Variants in ZFHX3 observed in about 807,000 individuals in gnomAD.
The protein encoded by ZFHX3 is zinc finger homeobox protein 3.
ZFHX3 carries 42 observed loss-of-function variants against 279.1 expected under a neutral mutation model. The ratio of observed to expected loss-of-function variants is 0.15; its 90% CI spans 0.12 to 0.19. The LOEUF is 0.19. ZFHX3 is among the 10% of genes least tolerant of loss of function. ZFHX3 has a pLI of 1.00. For missense variants in ZFHX3, 4,981 were observed against 4,754.0 expected (o/e 1.05, Z -1.40); for synonymous variants, 2,293 against 1,957.8 (o/e 1.17, Z -4.52).
intron 5 of ZFHX3, among the ~76,000 whole-genome samples, chr16:73,172,488 A>T (rs1967552566): frequency 6.6e-6 from 1 of 152,050 alleles, no homozygotes; most frequent in South Asian, 2.1e-4. Flanking sequence ...TTGAATTTCC[A>T]CTGCTTTTGT....
intron 2 of ZFHX3, among the ~76,000 whole-genome samples, chr16:73,479,052 A>AAAAAC (rs773167886): frequency 6.6e-5 from 10 of 152,278 alleles, no homozygotes; most frequent in Non-Finnish European, 1.2e-4. Flanking sequence ...ACTCCATCTC[A>AAAAAC]AAAACAAAAC....
chr16:73,519,926 AGTGTAATTGGAGTGAAGAAAACTT>A (rs1286684999), intron 2 of ZFHX3, among the ~76,000 whole-genome samples: 1 of 152,222 alleles, frequency 6.6e-6, no homozygotes, highest in African/African-American at 2.4e-5. Flanking sequence ...GTTTACTAGC[AGTGTAATTGGAGTGAAGAAAACTT>A]ATGCCTGTTT....
At chr16:72,983,090 C>G in intron 1 of ZFHX3, among the ~76,000 whole-genome samples, 1 of 152,128 alleles carries the variant, frequency 6.6e-6, no homozygotes, top group East Asian at 1.9e-4. Flanking sequence ...GTCGCTTATT[C>G]TATGGGTGTG....
At chr16:72,871,764 A>G (rs1340861796) in intron 4 of ZFHX3, among the ~76,000 whole-genome samples, 4 of 150,970 alleles carry the variant, frequency 2.6e-5, no homozygotes, top group African/African-American at 9.7e-5. Context: ...GGTGTGAACC[A>G]CCAAGCCTGG....
At chr16:73,233,102 C>A (rs1301883359) in intron 5 of ZFHX3, 8 of 88,218 alleles carry the variant, frequency 9.1e-5, no homozygotes, top group South Asian at 4.0e-4. Flanking sequence ...CATCTTGGAC[C>A]AGAGCCAAAA....
At chr16:73,609,014 C>G (rs1246704659) in intron 2 of ZFHX3, 1 of 152,126 alleles carries the variant, frequency 6.6e-6, no homozygotes, top group Non-Finnish European at 1.5e-5. Context: ...TAGTGACTGA[C>G]TTTAAATTAC....
chr16:73,830,219 C>T (rs1322391627), intron 1 of ZFHX3, among the ~76,000 whole-genome samples: 2 of 138,222 alleles, frequency 1.4e-5, no homozygotes, highest in Non-Finnish European at 3.1e-5. Context: ...ACTCCCTGAC[C>T]CCTTGCGCTT....
intron 8 of ZFHX3, chr16:73,081,417 G>A (rs531477394): frequency 1.3e-5 from 2 of 152,014 alleles, no homozygotes; most frequent in African/African-American, 4.8e-5. Flanking sequence ...GCGCCACCAT[G>A]CCCGGCTAAT....
At chr16:72,852,782 C>A (rs115200979) in intron 4 of ZFHX3, among the ~76,000 whole-genome samples, 1 of 152,146 alleles carries the variant, frequency 6.6e-6, no homozygotes, top group Non-Finnish European at 1.5e-5. Context: ...CCAGACAGAA[C>A]GCTCCCCATG....
At chr16:73,393,346 T>C (rs977018725) in intron 3 of ZFHX3, among the ~76,000 whole-genome samples, 4 of 152,198 alleles carry the variant, frequency 2.6e-5, no homozygotes, top group African/African-American at 9.6e-5. Flanking sequence ...ACTGGGCCCA[T>C]GACATCCCCC....
chr16:73,211,124 C>T (rs2012000533), intron 5 of ZFHX3, among the ~76,000 whole-genome samples: 1 of 152,168 alleles, frequency 6.6e-6, no homozygotes, highest in African/African-American at 2.4e-5. Context: ...TCTGATCTTT[C>T]TCACTTTGCC....
chr16:73,337,698 C>T (rs1182059627), intron 3 of ZFHX3, among the ~76,000 whole-genome samples: 7 of 151,868 alleles, frequency 4.6e-5, no homozygotes, highest in Non-Finnish European at 1.0e-4. Context: ...TTGACTTGCT[C>T]ACTTCTCATG....
chr16:72,794,037 G>T lies in ZFHX3; in HGVS notation c.8645C>A (p.Ala2882Glu). Residue 2882 changes from alanine (A) to glutamate (E), a missense_variant, in exon 9 of 10, where the codon GCA becomes GAA. Physicochemically the swap from Ala to Glu is moderately radical, Grantham distance 107. Transcript: ENST00000268489. This position sits in a 1 kb window ranked among gnomAD's most constrained non-coding sequence, Gnocchi z 4.2. Reference protein sequence around the residue: ...NEGLTKAAMMAMSEYEDRLSS... With the variant: ...NEGLTKAAMMEMSEYEDRLSS... ...CAACCGATCTTCATACTCAGACATTGCCATCATGGCCGCTTTGGTCAACCC... is the reference window on the plus strand; with the variant it reads ...CAACCGATCTTCATACTCAGACATTTCCATCATGGCCGCTTTGGTCAACCC... 1 of 1,614,232 alleles carries T rather than the reference G, an allele frequency of 6.2e-7. No individual in the cohort carries two copies. The highest frequency in any genetic ancestry group is 8.5e-7 in the Non-Finnish European group (1 of 1,180,042).
chr16:73,297,958 G>A (rs1300621905), intron 4 of ZFHX3, among the ~76,000 whole-genome samples: 3 of 151,804 alleles, frequency 2.0e-5, no homozygotes, highest in African/African-American at 7.3e-5. Context: ...GCTGAGGGGG[G>A]AAGGTCACTT....
intron 7 of ZFHX3, among the ~76,000 whole-genome samples, chr16:73,106,115 C>CT (rs1051274660): frequency 7.9e-5 from 12 of 152,072 alleles, no homozygotes; most frequent in Admixed American, 1.3e-4. Flanking sequence ...GTTCCCTGAG[C>CT]TTTGGCTACT....
intron 7 of ZFHX3, among the ~76,000 whole-genome samples, chr16:72,801,306 A>ATCT (rs760397324): frequency 6.6e-6 from 1 of 152,194 alleles, no homozygotes; most frequent in Non-Finnish European, 1.5e-5. Flanking sequence ...CTGCACAGAC[A>ATCT]TCTTCACTGT....
At chr16:73,160,151 C>T (rs1005550589) in intron 5 of ZFHX3, among the ~76,000 whole-genome samples, 6 of 152,186 alleles carry the variant, frequency 3.9e-5, no homozygotes, top group Admixed American at 1.3e-4. Context: ...GCAGTGCTCC[C>T]TTTCTGGGTA....
chr16:73,516,444 A>G (rs2380337), intron 2 of ZFHX3, among the ~76,000 whole-genome samples: 55,752 of 152,104 alleles, frequency 0.37, 11,855 homozygotes, highest in East Asian at 0.62. Flanking sequence ...TTTACCTTGT[A>G]TGCAAATTTG....
At chr16:73,632,450 G>C (rs1761247574) in intron 2 of ZFHX3, among the ~76,000 whole-genome samples, 1 of 149,768 alleles carries the variant, frequency 6.7e-6, no homozygotes, top group Non-Finnish European at 1.5e-5. Flanking sequence ...TGGGAGGCTG[G>C]GGCAGGCGGA....
Sources: allele counts gnomAD v4.1 joint callset (sites outside exome capture counted in the v4.1 genomes callset), GRCh38; gene constraint gnomAD v4.1.1; non-coding constraint Gnocchi (gnomAD v3.1); transcripts MANE v1.5; gene names NCBI Gene and HGNC (gene_info 2026-07-23, HGNC 2026-07-21).